The following MARK2 variants were observed in gnomAD, a reference collection of about 807,000 sequenced individuals.
MARK2 encodes serine/threonine-protein kinase MARK2.
A neutral mutation model predicts 89.8 loss-of-function variants in MARK2; 16 were observed. That is an observed-to-expected ratio of 0.18 (90% CI 0.12 to 0.27). The LOEUF is 0.27. Among genes scored for constraint, MARK2 ranks in the 10% least tolerant of loss-of-function variants. The pLI is 1.00. For synonymous variants in MARK2, 382 were observed against 399.5 expected, an observed-to-expected ratio of 0.96 and a Z score of 0.52; for missense variants, 621 against 1,049.9, an observed-to-expected ratio of 0.59 and a Z score of 5.65.
chr11:63,860,493 A>T (rs1019148045), intron 1 of MARK2, among the ~76,000 whole-genome samples: 3 of 151,722 alleles, frequency 2.0e-5, no homozygotes, highest in African/African-American at 7.3e-5. Flanking sequence ...GGGAGGCTAC[A>T]GTGAGCCGAG....
intron 17 of MARK2, among the ~76,000 whole-genome samples, chr11:63,907,023 C>G (rs1165681707): frequency 6.6e-6 from 1 of 152,148 alleles, no homozygotes; most frequent in Non-Finnish European, 1.5e-5. Context: ...CCTTCACAGT[C>G]CCCTTCCTGG....
At chr11:63,845,552 G>T (rs1285941799) in intron 1 of MARK2, among the ~76,000 whole-genome samples, 2 of 152,132 alleles carry the variant, frequency 1.3e-5, no homozygotes, top group Admixed American at 1.3e-4. Context: ...TCTCCCTTCT[G>T]TCTCTGCAAA....
At position 63,909,547 on chromosome 11, in the gene MARK2, G is replaced by A. The variant is rs1358378936; in HGVS notation, c.*310G>A. 8.1e-6 allele frequency: 2 copies of A among 248,288 alleles called. No individual in the cohort carries two copies. The highest frequency in any genetic ancestry group is 1.5e-5 in the Non-Finnish European group (2 of 130,950). 15.4% of individuals were successfully genotyped at this position (248,288 alleles called of 1,614,324 possible). A position where few individuals can be genotyped will look rare whatever the true frequency, so the allele number is the denominator to read the frequency against. On this transcript the variant is annotated 3_prime_UTR_variant, in exon 19 of 19. Coordinates refer to ENST00000402010, the MANE Select transcript of MARK2 (RefSeq NM_001039469.3). The stretch of plus-strand genomic sequence containing the variant: ...GTACTGCGGTTGCACAGAGTATTTC[G>A]CCTAAACCAAGAAATTTTTTATTAC...
rs753551426 is a variant in MARK2 at position 63,902,776 on chromosome 11, C to T, written c.1410C>T (p.Pro470=). 1.2e-6 allele frequency: 2 copies of T among 1,610,822 alleles called. No individual in the cohort carries two copies. The highest frequency in any genetic ancestry group is 4.5e-5 in the East Asian group (2 of 44,882). The stretch of plus-strand genomic sequence containing the variant: ...AGAGGAAGAAGACCACCCCAACCCC[C>T]TCCACGGTGAGCCGCACCCCCCGCT... ...GLERKKTTPT[P]STNSVLSTST... The change falls in exon 13 of 19, where the codon CCC becomes CCT. Residue 470 remains proline (P), a synonymous_variant. Coordinates refer to ENST00000402010, the MANE Select transcript of MARK2 (RefSeq NM_001039469.3). The surrounding 1 kb of genome is among the most constrained non-coding windows in gnomAD (Gnocchi z 4.2).
chr11:63,902,348 T>C lies in MARK2; in HGVS notation c.1234+18T>C, dbSNP rs1386142630. ...CGACCAGGGTAAATGCTTTTGGGAGTTGTAGGTGGGGACTCACCCCTCTCC... is the reference window on the plus strand; with the variant it reads ...CGACCAGGGTAAATGCTTTTGGGAGCTGTAGGTGGGGACTCACCCCTCTCC... On this transcript the variant is annotated intron_variant, in intron 12 of 18. Coordinates refer to ENST00000402010, the MANE Select transcript of MARK2 (RefSeq NM_001039469.3). The surrounding 1 kb of genome is among the most constrained non-coding windows in gnomAD (Gnocchi z 4.2). 2.5e-6 allele frequency: 4 copies of C among 1,613,490 alleles called. No individual in the cohort carries two copies. The highest frequency in any genetic ancestry group is 2.7e-5 in the African/African-American group (2 of 74,970).
intron 3 of MARK2, among the ~76,000 whole-genome samples, chr11:63,897,106 CAG>C (rs1306156626): frequency 2.0e-5 from 3 of 152,196 alleles, no homozygotes; most frequent in Non-Finnish European, 1.5e-5. Flanking sequence ...CTAGCCCCCT[CAG>C]GGGTCTAGAC....
intron 1 of MARK2, chr11:63,882,509 G>C (rs568170517): frequency 6.6e-6 from 1 of 152,008 alleles, no homozygotes; most frequent in Non-Finnish European, 1.5e-5. Context: ...CTTGAAACCC[G>C]GGAGGCGGAG....
intron 1 of MARK2, among the ~76,000 whole-genome samples, chr11:63,872,436 A>T (rs1938504171): frequency 6.6e-6 from 1 of 152,214 alleles, no homozygotes; most frequent in Non-Finnish European, 1.5e-5. Context: ...ACCTAAGGTT[A>T]GAATGTGATT....
At chr11:63,880,135 T>TG (rs1002378730) in intron 1 of MARK2, 8 of 150,460 alleles carry the variant, frequency 5.3e-5, no homozygotes, top group Admixed American at 4.6e-4. Flanking sequence ...TTTTTTTTGT[T>TG]TTTTTTTTTA....
At chr11:63,907,207 C>T (rs773556879) in intron 17 of MARK2, among the ~76,000 whole-genome samples, 2 of 152,086 alleles carry the variant, frequency 1.3e-5, no homozygotes, top group Non-Finnish European at 2.9e-5. Flanking sequence ...GATGGAGGAA[C>T]GTCCAGACAG....
chr11:63,904,174 C>T lies in MARK2; in HGVS notation c.1676+27C>T, dbSNP rs1226494904. 3.3e-6 allele frequency: 5 copies of T among 1,531,584 alleles called. No homozygotes were observed. In the East Asian group the frequency reaches 1.2e-4, roughly 37 times the overall value. The allele number at this position is 1,531,584 out of a possible 1,614,324, so 94.9% of individuals were successfully genotyped here. A position where few individuals can be genotyped will look rare whatever the true frequency, so the allele number is the denominator to read the frequency against. On this transcript the variant is annotated intron_variant, in intron 15 of 18. Coordinates refer to ENST00000402010, the MANE Select transcript of MARK2 (RefSeq NM_001039469.3). This position sits in a 1 kb window ranked among gnomAD's most constrained non-coding sequence, Gnocchi z 6.3. ...CAAGTGTGCTGGGGCAGCTGGTGCA[C>T]CTGCTGCCCTCAGCCCACCCTACCC...
chr11:63,908,477 G>A lies in MARK2; in HGVS notation c.2006+173G>A, dbSNP rs118063077. ...TTCCCCTTCCCAAACCCAATTGCAG[G>A]AGTTACGGGCCCTTCTCCTCAGGTC... On this transcript the variant is annotated intron_variant, in intron 18 of 18. Coordinates refer to ENST00000402010, the MANE Select transcript of MARK2 (RefSeq NM_001039469.3). Among the ~76,000 whole-genome samples, 790 of 152,296 alleles carry A rather than the reference G, an allele frequency of 5.2e-3. 6 individuals carry two copies. Among genetic ancestry groups the A allele is most frequent in the Non-Finnish European group, 8.9e-3 (607 of 68,026 alleles).
At chr11:63,863,884 C>G (rs1937968202) in intron 1 of MARK2, among the ~76,000 whole-genome samples, 4 of 152,154 alleles carry the variant, frequency 2.6e-5, no homozygotes, top group Admixed American at 2.0e-4. Context: ...ACAGTCCTGC[C>G]TGAGCCCCCT....
At chr11:63,853,287 T>C (rs190636826) in intron 1 of MARK2, among the ~76,000 whole-genome samples, 52 of 151,888 alleles carry the variant, frequency 3.4e-4, no homozygotes, top group Admixed American at 2.1e-3. Flanking sequence ...TAATCCCAGC[T>C]ACTCGGGAGG....
intron 1 of MARK2, among the ~76,000 whole-genome samples, chr11:63,842,527 C>T (rs574439394): frequency 4.6e-5 from 7 of 152,042 alleles, no homozygotes; most frequent in South Asian, 4.2e-4. Flanking sequence ...TTCTTTAAAA[C>T]GGGAAAAAAG....
chr11:63,890,350 C>G, intron 1 of MARK2: 1 of 1,122,262 alleles, frequency 8.9e-7, no homozygotes, highest in East Asian at 5.2e-5. Flanking sequence ...TGGTTCAGTC[C>G]CGAAAAGGGG....
At chr11:63,857,988 A>G (rs11231619) in intron 1 of MARK2, among the ~76,000 whole-genome samples, 8,327 of 152,194 alleles carry the variant, frequency 0.055, 322 homozygotes, top group South Asian at 0.22. Context: ...GATTATAGAC[A>G]TGAGCCATTG....
At chr11:63,881,795 A>T (rs935048710) in intron 1 of MARK2, among the ~76,000 whole-genome samples, 1 of 152,192 alleles carries the variant, frequency 6.6e-6, no homozygotes, top group African/African-American at 2.4e-5. Context: ...AAAAAATGAA[A>T]TAAATAAAAA....
chr11:63,894,472 G>A (rs779662299), intron 1 of MARK2, among the ~76,000 whole-genome samples: 6 of 152,164 alleles, frequency 3.9e-5, no homozygotes, highest in Non-Finnish European at 5.9e-5. Flanking sequence ...CAAGGCGGGC[G>A]GATCACCTGA....
Sources: allele counts gnomAD v4.1 joint callset (sites outside exome capture counted in the v4.1 genomes callset), GRCh38; gene constraint gnomAD v4.1.1; non-coding constraint Gnocchi (gnomAD v3.1); transcripts MANE v1.5; gene names NCBI Gene and HGNC (gene_info 2026-07-23, HGNC 2026-07-21).